Variants in SPATA17 observed in about 807,000 individuals in gnomAD.
SPATA17 encodes the protein spermatogenesis associated 17.
A neutral mutation model predicts 62.2 loss-of-function variants in SPATA17; 53 were observed. The observed-to-expected ratio is 0.85, with a 90% CI of 0.68 to 1.07. The LOEUF (loss-of-function observed/expected upper bound fraction) is 1.07. SPATA17 is among the 50% of genes least tolerant of loss of function. The pLI is 0.00. For missense variants in SPATA17, 466 were observed against 425.5 expected, an observed-to-expected ratio of 1.10 and a Z score of -0.84; for synonymous variants, 146 against 146.8, an observed-to-expected ratio of 0.99 and a Z score of 0.04.
intron 6 of SPATA17, among the ~76,000 whole-genome samples, chr1:217,762,434 C>T (rs552599558): frequency 6.6e-6 from 1 of 152,286 alleles, no homozygotes; most frequent in African/African-American, 2.4e-5. Flanking sequence ...CTCTTACATT[C>T]CTCTTAATTA....
intron 4 of SPATA17, among the ~76,000 whole-genome samples, chr1:217,677,461 TTAGAGA>T (rs1670973005): frequency 6.6e-6 from 1 of 151,800 alleles, no homozygotes; most frequent in Non-Finnish European, 1.5e-5. Flanking sequence ...GATTACATAG[TTAGAGA>T]TAGATAGGTT....
chr1:217,680,221 C>T (rs1435810024), intron 4 of SPATA17, among the ~76,000 whole-genome samples: 2 of 152,106 alleles, frequency 1.3e-5, no homozygotes, highest in African/African-American at 2.4e-5. Context: ...TTGAAGCCAT[C>T]CAACCAGCTA....
At chr1:217,736,306 G>A (rs1672508726) in intron 5 of SPATA17, among the ~76,000 whole-genome samples, 1 of 152,118 alleles carries the variant, frequency 6.6e-6, no homozygotes, top group African/African-American at 2.4e-5. Context: ...GGAGACAGTA[G>A]TCTTTTCAAA....
rs949203697 is a variant in SPATA17 at position 217,744,028 on chromosome 1, C to A, written c.519+1930C>A. 2.0e-5 allele frequency among the ~76,000 whole-genome samples: 3 copies of A among 151,898 alleles called. No homozygotes were observed. The East Asian group carries it at 5.8e-4, about 29-fold the overall frequency. On this transcript the variant is annotated intron_variant, in intron 6 of 10. Transcript: ENST00000366933. ...GTCCATGAAGACTCAGTTTTTTTTA[C>A]TGATAAAAATAATCTGACAGCAAAT...
At chr1:217,806,827 A>T (rs1460599520) in intron 9 of SPATA17, among the ~76,000 whole-genome samples, 2 of 152,152 alleles carry the variant, frequency 1.3e-5, no homozygotes, top group Non-Finnish European at 2.9e-5. Context: ...CTCTGTCTCC[A>T]ATATAGTCAC....
At chr1:217,705,662 A>T (rs916589047) in intron 5 of SPATA17, among the ~76,000 whole-genome samples, 1 of 151,608 alleles carries the variant, frequency 6.6e-6, no homozygotes, top group African/African-American at 2.4e-5. Flanking sequence ...GATGGCCTTG[A>T]TTTCTTGACC....
intron 4 of SPATA17, among the ~76,000 whole-genome samples, chr1:217,676,607 G>A (rs1670951070): frequency 6.6e-6 from 1 of 152,134 alleles, no homozygotes; most frequent in Admixed American, 6.6e-5. Flanking sequence ...ACTTTGGAAT[G>A]TAATAATGGT....
chr1:217,763,135 C>T (rs1303266775), intron 6 of SPATA17, among the ~76,000 whole-genome samples: 2 of 152,146 alleles, frequency 1.3e-5, no homozygotes, highest in Admixed American at 6.5e-5. Flanking sequence ...TATGTAGAGG[C>T]CAAGAAAATG....
intron 8 of SPATA17, among the ~76,000 whole-genome samples, chr1:217,782,901 G>T (rs1188227160): frequency 6.6e-6 from 1 of 151,688 alleles, no homozygotes; most frequent in African/African-American, 2.4e-5. Context: ...AAGACACTTT[G>T]TCATCAATAG....
At chr1:217,721,750 C>G (rs963844266) in intron 5 of SPATA17, among the ~76,000 whole-genome samples, 2 of 152,198 alleles carry the variant, frequency 1.3e-5, no homozygotes, top group African/African-American at 4.8e-5. Flanking sequence ...GTACTAAACT[C>G]CTTCTACCTG....
At chr1:217,707,862 A>G (rs1403458577) in intron 5 of SPATA17, among the ~76,000 whole-genome samples, 1 of 152,208 alleles carries the variant, frequency 6.6e-6, no homozygotes, top group Non-Finnish European at 1.5e-5. Flanking sequence ...ACACTTTCAG[A>G]CTACAGGACC....
At chr1:217,793,785 T>C (rs995326189) in intron 8 of SPATA17, among the ~76,000 whole-genome samples, 1 of 151,946 alleles carries the variant, frequency 6.6e-6, no homozygotes, top group South Asian at 2.1e-4. Flanking sequence ...CTACAAGAAG[T>C]GAATGAACAG....
chr1:217,663,966 A>G (rs1670627754), intron 3 of SPATA17, among the ~76,000 whole-genome samples: 1 of 152,058 alleles, frequency 6.6e-6, no homozygotes. Flanking sequence ...GGATTTTAAA[A>G]CTGAGGAAAA....
chr1:217,844,983 TA>T (rs1354678719), intron 9 of SPATA17, among the ~76,000 whole-genome samples: 1 of 152,128 alleles, frequency 6.6e-6, no homozygotes, highest in Non-Finnish European at 1.5e-5. Context: ...ACTACATGCA[TA>T]ATGAATTTTA....
intron 5 of SPATA17, among the ~76,000 whole-genome samples, chr1:217,733,048 A>G (rs1672433796): frequency 6.6e-6 from 1 of 152,198 alleles, no homozygotes; most frequent in Admixed American, 6.5e-5. Context: ...TGATCTTTGA[A>G]TGGAGTCTTA....
intron 8 of SPATA17, among the ~76,000 whole-genome samples, chr1:217,791,577 C>T (rs903485132): frequency 6.6e-6 from 1 of 152,130 alleles, no homozygotes; most frequent in Non-Finnish European, 1.5e-5. Context: ...CTTACAGACA[C>T]CTGCGTCTAA....
intron 5 of SPATA17, among the ~76,000 whole-genome samples, chr1:217,718,810 GGTT>G (rs2102932415): frequency 6.6e-6 from 1 of 152,166 alleles, no homozygotes; most frequent in African/African-American, 2.4e-5. Flanking sequence ...CACCCAAATT[GGTT>G]GTTTTGGATG....
chr1:217,641,481 A>T (rs1670060665), intron 1 of SPATA17, among the ~76,000 whole-genome samples: 1 of 152,190 alleles, frequency 6.6e-6, no homozygotes, highest in Non-Finnish European at 1.5e-5. Context: ...GGATTTTTAA[A>T]TAGCTATTTA....
intron 8 of SPATA17, among the ~76,000 whole-genome samples, chr1:217,795,152 T>C (rs1674100320): frequency 6.6e-6 from 1 of 152,142 alleles, no homozygotes; most frequent in Non-Finnish European, 1.5e-5. Context: ...AAAAATTACA[T>C]TGAAAACACT....
Sources: allele counts gnomAD v4.1 joint callset (sites outside exome capture counted in the v4.1 genomes callset), GRCh38; gene constraint gnomAD v4.1.1; transcripts MANE v1.5; gene names NCBI Gene and HGNC (gene_info 2026-07-23, HGNC 2026-07-21).